The following SNAP25 variants were observed in gnomAD, a reference collection of about 807,000 sequenced individuals.
SNAP25 encodes the protein synaptosomal-associated protein 25.
Under a neutral mutation model 28.7 loss-of-function variants are expected in SNAP25, and 3 were observed. That is an observed-to-expected ratio of 0.10 (90% confidence interval 0.05 to 0.27). The LOEUF (loss-of-function observed/expected upper bound fraction) is 0.27. SNAP25 is among the 10% of genes least tolerant of loss of function. SNAP25 has a pLI of 1.00. For synonymous variants in SNAP25, 61 were observed against 88.1 expected (o/e 0.69, Z 1.72); for missense variants, 117 against 278.7 (o/e 0.42, Z 4.13).
intron 1 of SNAP25, among the ~76,000 whole-genome samples, chr20:10,232,799 G>C (rs931112770): frequency 2.6e-5 from 4 of 152,168 alleles, no homozygotes; most frequent in Non-Finnish European, 5.9e-5. Flanking sequence ...GAGGTAAAAT[G>C]ATGATTTAGA....
At chr20:10,273,090 T>A (rs1472699169) in intron 1 of SNAP25, among the ~76,000 whole-genome samples, 2 of 152,214 alleles carry the variant, frequency 1.3e-5, no homozygotes, top group African/African-American at 4.8e-5. Flanking sequence ...GGATCAGATC[T>A]AGGACCTGCC....
At chr20:10,282,752 G>A (rs961386034) in intron 3 of SNAP25, among the ~76,000 whole-genome samples, 2 of 152,170 alleles carry the variant, frequency 1.3e-5, no homozygotes, top group African/African-American at 4.8e-5. Context: ...GCCCTCAGCA[G>A]AACCTGCATT....
In SNAP25 at chr20:10,293,297, C is replaced by CTTGAAG. The variant is rs760728165; in HGVS notation, c.281+19_281+20insTTGAAG. The CTTGAAG allele has an allele frequency of 6.3e-7, 1 of 1,587,342 alleles. No homozygotes were observed. Among genetic ancestry groups the CTTGAAG allele is most frequent in the Non-Finnish European group, 8.7e-7 (1 of 1,155,908 alleles). ...GTAACAAGTAGGTGCTGCCTGCCTGCCTGAAGCTTTGATTTCCCAAGGCCC... is the reference window on the plus strand; with the variant it reads ...GTAACAAGTAGGTGCTGCCTGCCTGCTTGAAGCTGAAGCTTTGATTTCCCAAGGCCC... On this transcript the variant is annotated intron_variant, in intron 5 of 7. Transcript: ENST00000254976. The surrounding 1 kb of genome is among the most constrained non-coding windows in gnomAD (Gnocchi z 5.6).
chr20:10,259,397 G>A (rs1053171196), intron 1 of SNAP25, among the ~76,000 whole-genome samples: 3 of 152,118 alleles, frequency 2.0e-5, no homozygotes, highest in African/African-American at 7.2e-5. Context: ...GTTTCTTCCA[G>A]CATGGTAAAC....
intron 3 of SNAP25, among the ~76,000 whole-genome samples, chr20:10,281,072 G>C (rs1262242975): frequency 6.6e-6 from 1 of 152,016 alleles, no homozygotes; most frequent in Non-Finnish European, 1.5e-5. Context: ...AGTTCATCTG[G>C]AAAAATTTTT....
intron 1 of SNAP25, among the ~76,000 whole-genome samples, chr20:10,272,865 C>T (rs886567964): frequency 5.3e-5 from 8 of 152,138 alleles, no homozygotes; most frequent in Non-Finnish European, 1.2e-4. Context: ...TTGCTTTGCC[C>T]GGCAATCACT....
At chr20:10,277,186 A>G (rs1339880695) in intron 2 of SNAP25, among the ~76,000 whole-genome samples, 2 of 152,106 alleles carry the variant, frequency 1.3e-5, no homozygotes, top group Admixed American at 1.3e-4. Flanking sequence ...AACATGCTTG[A>G]TTTTTTTCAC....
intron 1 of SNAP25, among the ~76,000 whole-genome samples, chr20:10,244,207 G>T (rs754844117): frequency 2.6e-5 from 4 of 152,046 alleles, no homozygotes; most frequent in Non-Finnish European, 5.9e-5. Context: ...TAATAGTCGT[G>T]GTAATAATTG....
At chr20:10,272,276 T>C (rs529731422) in intron 1 of SNAP25, among the ~76,000 whole-genome samples, 9 of 152,354 alleles carry the variant, frequency 5.9e-5, no homozygotes, top group African/African-American at 1.4e-4. Context: ...CCCCATGAGA[T>C]TGGCATTGTT....
intron 3 of SNAP25, among the ~76,000 whole-genome samples, chr20:10,278,664 A>G (rs1327033330): frequency 6.6e-6 from 1 of 152,120 alleles, no homozygotes; most frequent in Non-Finnish European, 1.5e-5. Flanking sequence ...CTCTGGCAGA[A>G]TGATTAAATG....
At chr20:10,221,665 T>C (rs2062636599) in intron 1 of SNAP25, among the ~76,000 whole-genome samples, 1 of 152,268 alleles carries the variant, frequency 6.6e-6, no homozygotes, top group Admixed American at 6.5e-5. Flanking sequence ...AATTTTATTT[T>C]TACTTTGTTA....
rs192779271 is a variant in SNAP25 at position 10,306,254 on chromosome 20, T to G, written c.*57T>G. 4.6e-6 allele frequency: 7 copies of G among 1,522,098 alleles called. No individual in the cohort carries two copies. The highest frequency in any genetic ancestry group is 1.7e-4 in the Middle Eastern group (1 of 5,892). The allele number at this position is 1,522,098 out of a possible 1,614,324, so 94.3% of individuals were successfully genotyped here. On this transcript the variant is annotated 3_prime_UTR_variant, in exon 8 of 8. Coordinates refer to ENST00000254976, the MANE Select transcript of SNAP25 (RefSeq NM_130811.4). ...GTCGGGCAAGATAGCTCCTTCATGCTTTTCTCATGGTATTATCTAGTAGGT... is the reference window on the plus strand; with the variant it reads ...GTCGGGCAAGATAGCTCCTTCATGCGTTTCTCATGGTATTATCTAGTAGGT...
chr20:10,296,421 GA>G (rs147488836), intron 5 of SNAP25: 17 of 157,750 alleles, frequency 1.1e-4, no homozygotes, highest in South Asian at 1.8e-4. Flanking sequence ...CACGTGTTGG[GA>G]AAAAAAAATA....
At chr20:10,265,963 A>C (rs2063499713) in intron 1 of SNAP25, among the ~76,000 whole-genome samples, 1 of 152,176 alleles carries the variant, frequency 6.6e-6, no homozygotes, top group African/African-American at 2.4e-5. Context: ...TGGAGTACCA[A>C]AGGTTTGGGG....
At chr20:10,301,265 A>G (rs912822480) in intron 7 of SNAP25, among the ~76,000 whole-genome samples, 1 of 152,240 alleles carries the variant, frequency 6.6e-6, no homozygotes. Context: ...ATATGCAGCT[A>G]CAAGGTTTAA....
At chr20:10,223,585 G>C (rs1464472340) in intron 1 of SNAP25, among the ~76,000 whole-genome samples, 3 of 151,872 alleles carry the variant, frequency 2.0e-5, no homozygotes, top group Non-Finnish European at 4.4e-5. Flanking sequence ...CTGAGTCCAG[G>C]GGCTACACAA....
intron 1 of SNAP25, among the ~76,000 whole-genome samples, chr20:10,275,120 G>A (rs2063668222): frequency 7.1e-6 from 1 of 139,998 alleles, no homozygotes; most frequent in African/African-American, 2.6e-5. Flanking sequence ...TAAATGTGAT[G>A]ATAAAAGTAC....
chr20:10,285,156 G>T (rs542620852), intron 4 of SNAP25, among the ~76,000 whole-genome samples: 3 of 152,134 alleles, frequency 2.0e-5, no homozygotes, highest in East Asian at 3.9e-4. Flanking sequence ...TAGAATGAGC[G>T]TATGGCATAT....
intron 4 of SNAP25, among the ~76,000 whole-genome samples, chr20:10,289,232 T>G (rs2063946267): frequency 6.6e-6 from 1 of 152,182 alleles, no homozygotes; most frequent in Non-Finnish European, 1.5e-5. Context: ...GGAAACGTAC[T>G]GAGCCCTGGA....
Sources: allele counts gnomAD v4.1 joint callset (sites outside exome capture counted in the v4.1 genomes callset), GRCh38; gene constraint gnomAD v4.1.1; non-coding constraint Gnocchi (gnomAD v3.1); transcripts MANE v1.5; gene names NCBI Gene and HGNC (gene_info 2026-07-23, HGNC 2026-07-21).